Variants in PIGK observed in about 807,000 individuals in gnomAD.
The protein encoded by PIGK is phosphatidylinositol glycan anchor biosynthesis class K, also known as GPI-anchor transamidase.
PIGK carries 42 observed loss-of-function variants against 50.6 expected under a neutral mutation model. The observed-to-expected ratio is 0.83, with a 90% CI of 0.65 to 1.07. PIGK has a LOEUF of 1.07. Among genes scored for constraint, PIGK ranks in the 50% least tolerant of loss-of-function variants. The probability of loss-of-function intolerance (pLI) is 0.00; values close to 1 mark genes in which losing one functional copy is unlikely to be tolerated. For synonymous variants in PIGK, 151 were observed against 156.0 expected (o/e 0.97, Z 0.24); for missense variants, 448 against 488.7 (o/e 0.92, Z 0.78).
intron 1 of PIGK, among the ~76,000 whole-genome samples, chr1:77,211,274 T>C (rs1656414087): frequency 6.6e-6 from 1 of 151,846 alleles, no homozygotes; most frequent in Non-Finnish European, 1.5e-5. Context: ...TTTGAATTAA[T>C]GAATCCATGG....
At position 77,193,245 on chromosome 1, in the gene PIGK, ATGTGTGTGTG is replaced by A. The variant is rs56987496; in HGVS notation, c.239+13385_239+13394del. Among the ~76,000 whole-genome samples the A allele has an allele frequency of 2.5e-3, 364 of 144,870 alleles. 1 individual carries two copies. Among genetic ancestry groups the A allele is most frequent in the African/African-American group, 8.3e-3 (321 of 38,510 alleles). On this transcript the variant is annotated intron_variant, in intron 3 of 10. Coordinates refer to ENST00000370812, the MANE Select transcript of PIGK (RefSeq NM_005482.3). The stretch of plus-strand genomic sequence containing the variant: ...TGTTAGCTGACAGTGTGGCATGAGA[ATGTGTGTGTG>A]TGTGTGTGTGTGTGTGTGTGTGTGT...
At chr1:77,168,750 C>T (rs904929587) in intron 4 of PIGK, among the ~76,000 whole-genome samples, 7 of 151,440 alleles carry the variant, frequency 4.6e-5, no homozygotes, top group Non-Finnish European at 7.4e-5. Context: ...AAATATTAAG[C>T]GTATTCACAA....
chr1:77,194,390 T>C (rs749956134), intron 3 of PIGK, among the ~76,000 whole-genome samples: 2 of 151,850 alleles, frequency 1.3e-5, no homozygotes, highest in Non-Finnish European at 2.9e-5. Context: ...TCAACCTAGG[T>C]GCCCATAAAT....
At chr1:77,116,579 TGTGTGTGTGTGTGTGTGCGC>T (rs769797278) in intron 10 of PIGK, among the ~76,000 whole-genome samples, 6,094 of 117,282 alleles carry the variant, frequency 0.052, 192 homozygotes, top group Admixed American at 0.13. Flanking sequence ...TGTGTGTGTG[TGTGTGTGTGTGTGTGTGCGC>T]GTGTGTGTGT....
chr1:77,147,459 T>C (rs961412297), intron 9 of PIGK, among the ~76,000 whole-genome samples: 9 of 152,080 alleles, frequency 5.9e-5, no homozygotes, highest in African/African-American at 1.9e-4. Context: ...GTGTTTAGAG[T>C]TCATAATGTC....
At chr1:77,144,224 G>T (rs1189355303) in intron 9 of PIGK, among the ~76,000 whole-genome samples, 1 of 151,894 alleles carries the variant, frequency 6.6e-6, no homozygotes, top group Non-Finnish European at 1.5e-5. Context: ...ATTTAATTTA[G>T]TGGAGTGGAA....
At chr1:77,144,678 G>C (rs574329766) in intron 9 of PIGK, among the ~76,000 whole-genome samples, 1 of 151,720 alleles carries the variant, frequency 6.6e-6, no homozygotes, top group African/African-American at 2.4e-5. Flanking sequence ...TTACAGATAG[G>C]GCAGTGAAAT....
chr1:77,148,723 T>A (rs564928320), intron 9 of PIGK, among the ~76,000 whole-genome samples: 1 of 149,952 alleles, frequency 6.7e-6, no homozygotes, highest in African/African-American at 2.4e-5. Context: ...GTTTTTTGGT[T>A]TTTTTTTTTT....
intron 9 of PIGK, among the ~76,000 whole-genome samples, chr1:77,122,733 A>G (rs372778637): frequency 1.4e-4 from 22 of 152,148 alleles, no homozygotes; most frequent in African/African-American, 5.1e-4. Flanking sequence ...CCCTTTCTCT[A>G]TTTAACAGTC....
chr1:77,199,041 CCTAT>C (rs763864651), intron 3 of PIGK, among the ~76,000 whole-genome samples: 15 of 152,042 alleles, frequency 9.9e-5, no homozygotes, highest in African/African-American at 2.2e-4. Flanking sequence ...TCAAAATCTT[CCTAT>C]CTATTTACAA....
At chr1:77,145,981 C>T (rs1654758145) in intron 9 of PIGK, among the ~76,000 whole-genome samples, 1 of 152,008 alleles carries the variant, frequency 6.6e-6, no homozygotes, top group African/African-American at 2.4e-5. Flanking sequence ...TCCCAATAAA[C>T]TCATTGTAAA....
intron 8 of PIGK, 110 bp from the exon 9 acceptor site, chr1:77,154,731 TA>T: frequency 2.8e-6 from 2 of 713,098 alleles, no homozygotes. Flanking sequence ...TCTCCCAACC[TA>T]AAGAAGCTAT....
chr1:77,177,321 A>C (rs1404021231), intron 3 of PIGK, among the ~76,000 whole-genome samples: 1 of 152,224 alleles, frequency 6.6e-6, no homozygotes, highest in Non-Finnish European at 1.5e-5. Context: ...TGAGATGGCC[A>C]TGATGCCCAC....
In PIGK at chr1:77,161,419, G is replaced by C; in HGVS notation, c.703-14C>G. 2 of 1,356,124 alleles carry C rather than the reference G, an allele frequency of 1.5e-6. No homozygotes were observed. Among genetic ancestry groups the C allele is most frequent in the South Asian group, 2.4e-5 (2 of 84,496 alleles). The allele number at this position is 1,356,124 out of a possible 1,614,324, so 84.0% of individuals were successfully genotyped here. A position where few individuals can be genotyped will look rare whatever the true frequency, so the allele number is the denominator to read the frequency against. On this transcript the variant is annotated splice_polypyrimidine_tract_variant and intron_variant, in intron 7 of 10. Coordinates refer to ENST00000370812, the MANE Select transcript of PIGK (RefSeq NM_005482.3). Reference sequence around the variant, plus strand: ...ATCAGGTTGATGCTATGGAAAGGGGGAAAAAAAGTATTTCTAACAGTATCA... The same window carrying C: ...ATCAGGTTGATGCTATGGAAAGGGGCAAAAAAAGTATTTCTAACAGTATCA...
intron 3 of PIGK, chr1:77,195,361 C>A: frequency 8.0e-7 from 1 of 1,250,794 alleles, no homozygotes. Context: ...GGCACAGGCA[C>A]TTCTCCAGGA....
chr1:77,095,063 G>T (rs1035242429), intron 10 of PIGK, among the ~76,000 whole-genome samples: 4 of 152,086 alleles, frequency 2.6e-5, no homozygotes, highest in Non-Finnish European at 5.9e-5. Flanking sequence ...CTTTGCAGTT[G>T]CTATGTTTCT....
intron 9 of PIGK, among the ~76,000 whole-genome samples, chr1:77,150,289 G>A (rs1462481279): frequency 6.6e-6 from 1 of 152,008 alleles, no homozygotes; most frequent in African/African-American, 2.4e-5. Flanking sequence ...AGGCCAAGGT[G>A]GGAGGATCGT....
intron 10 of PIGK, among the ~76,000 whole-genome samples, chr1:77,101,659 G>A (rs1018353062): frequency 2.0e-5 from 3 of 152,240 alleles, no homozygotes; most frequent in African/African-American, 7.2e-5. Flanking sequence ...GAATTATAGT[G>A]ATCAACTGTA....
At chr1:77,150,782 C>T (rs1251193452) in intron 9 of PIGK, among the ~76,000 whole-genome samples, 2 of 152,028 alleles carry the variant, frequency 1.3e-5, no homozygotes, top group African/African-American at 2.4e-5. Flanking sequence ...ATACAACCTA[C>T]CATCATTGAA....
Sources: allele counts gnomAD v4.1 joint callset (sites outside exome capture counted in the v4.1 genomes callset), GRCh38; gene constraint gnomAD v4.1.1; transcripts MANE v1.5; gene names NCBI Gene and HGNC (gene_info 2026-07-23, HGNC 2026-07-21).